Variants in EPB41 observed in about 807,000 individuals in gnomAD.
EPB41 encodes the protein erythrocyte membrane protein band 4.1.
In EPB41, 65 loss-of-function variants were observed where a neutral mutation model predicts 108.0. That is an observed-to-expected ratio of 0.60 (90% CI 0.49 to 0.74). The LOEUF is 0.74. EPB41 is among the 30% of genes least tolerant of loss of function. The pLI, the probability that EPB41 is intolerant of heterozygous loss-of-function variation, is 0.00. For missense variants in EPB41, 875 were observed against 1,037.0 expected (o/e 0.84, Z 2.15); for synonymous variants, 336 against 358.9 (o/e 0.94, Z 0.72).
At chr1:29,038,420 A>C (rs1412630640) in intron 10 of EPB41, among the ~76,000 whole-genome samples, 1 of 152,250 alleles carries the variant, frequency 6.6e-6, no homozygotes, top group African/African-American at 2.4e-5. Flanking sequence ...CCATTGCATC[A>C]AAATAAGAGA....
intron 17 of EPB41, among the ~76,000 whole-genome samples, chr1:29,098,624 C>G (rs986943539): frequency 2.6e-5 from 4 of 152,174 alleles, no homozygotes; most frequent in African/African-American, 9.7e-5. Context: ...AGTTCAAGTC[C>G]TGGCTCCTCC....
At chr1:29,011,827 T>C (rs749996323) in intron 4 of EPB41, 38 bp from the exon 5 acceptor site, 1 of 1,613,146 alleles carries the variant, frequency 6.2e-7, no homozygotes, top group Non-Finnish European at 8.5e-7. Flanking sequence ...TTTATGTGTT[T>C]TGGAGCTCTG....
At chr1:28,915,885 A>G (rs1050488819) in intron 1 of EPB41, among the ~76,000 whole-genome samples, 2 of 152,060 alleles carry the variant, frequency 1.3e-5, no homozygotes, top group African/African-American at 4.8e-5. Context: ...ACTGTAGTCA[A>G]TGCTGTTGCT....
chr1:28,929,843 CTTTTTT>C (rs56337991), intron 1 of EPB41, among the ~76,000 whole-genome samples: 1,274 of 101,860 alleles, frequency 0.013, 10 homozygotes, highest in Admixed American at 0.022. Context: ...ACTGGGCCTT[CTTTTTT>C]TTTTTTTTTT....
At chr1:28,927,457 A>C (rs960071659) in intron 1 of EPB41, among the ~76,000 whole-genome samples, 2 of 152,150 alleles carry the variant, frequency 1.3e-5, no homozygotes, top group Admixed American at 1.3e-4. Context: ...GGACTTCCTC[A>C]AAAGCCAAAA....
intron 15 of EPB41, among the ~76,000 whole-genome samples, chr1:29,062,569 C>T (rs115326104): frequency 1.7e-3 from 253 of 152,158 alleles, no homozygotes; most frequent in Non-Finnish European, 2.8e-3. Context: ...AACCTGAACA[C>T]AGCCAAAGTA....
chr1:29,012,235 C>T (rs150732667), intron 5 of EPB41, among the ~76,000 whole-genome samples: 3,575 of 152,184 alleles, frequency 0.023, 53 homozygotes, highest in Middle Eastern at 0.055. Context: ...AGTCAGTTCT[C>T]AAAATGGTAG....
intron 17 of EPB41, among the ~76,000 whole-genome samples, chr1:29,102,877 A>T (rs1573970819): frequency 6.6e-6 from 1 of 152,136 alleles, no homozygotes; most frequent in East Asian, 1.9e-4. Context: ...GGTTCCAGCG[A>T]TTCTCATGCC....
chr1:28,999,245 C>T (rs1480289345), intron 4 of EPB41, among the ~76,000 whole-genome samples: 2 of 152,180 alleles, frequency 1.3e-5, no homozygotes, highest in African/African-American at 2.4e-5. Flanking sequence ...TGGCGGGCGC[C>T]TGTAGTACCA....
chr1:28,976,619 G>A lies in EPB41; in HGVS notation c.-7-10812G>A, dbSNP rs1458652623. ...TCCTCCTGCCTTGGCCTCCCAAAGT[G>A]CTGGGATTACAGGTGTAAGCCACCG... On this transcript the variant is annotated intron_variant, in intron 1 of 20. Transcript: ENST00000343067. 2.0e-5 allele frequency among the ~76,000 whole-genome samples: 3 copies of A among 152,218 alleles called. No individual in the cohort carries two copies. The East Asian group carries it at 5.8e-4, about 29-fold the overall frequency.
intron 1 of EPB41, among the ~76,000 whole-genome samples, chr1:28,970,888 G>A (rs1249493136): frequency 1.3e-5 from 2 of 152,070 alleles, no homozygotes; most frequent in Admixed American, 6.6e-5. Context: ...TTGCTCTGTC[G>A]CCCAGGCTGA....
At chr1:28,922,872 C>G (rs565348935) in intron 1 of EPB41, among the ~76,000 whole-genome samples, 1 of 151,826 alleles carries the variant, frequency 6.6e-6, no homozygotes, top group East Asian at 2.0e-4. Flanking sequence ...CATGATCCGC[C>G]TGCCTCGGCC....
At chr1:28,994,025 ATGAG>A (rs2096094392) in intron 3 of EPB41, among the ~76,000 whole-genome samples, 1 of 151,988 alleles carries the variant, frequency 6.6e-6, no homozygotes, top group African/African-American at 2.4e-5. Context: ...TGGGAAGATG[ATGAG>A]TAAGTCTTTA....
At chr1:29,061,143 T>G (rs1358197395) in intron 15 of EPB41, among the ~76,000 whole-genome samples, 4 of 152,198 alleles carry the variant, frequency 2.6e-5, no homozygotes, top group Non-Finnish European at 5.9e-5. Context: ...TGAGTTAGGA[T>G]CTGTCCAACT....
At chr1:29,077,211 ATC>A (rs1199518344) in intron 16 of EPB41, among the ~76,000 whole-genome samples, 2 of 152,132 alleles carry the variant, frequency 1.3e-5, no homozygotes, top group Admixed American at 6.6e-5. Flanking sequence ...TATTCAAGGA[ATC>A]TAGTATACCC....
chr1:29,043,036 A>T (rs1194339586), intron 11 of EPB41, among the ~76,000 whole-genome samples: 1 of 152,228 alleles, frequency 6.6e-6, no homozygotes, highest in Non-Finnish European at 1.5e-5. Context: ...GCCAGATGGT[A>T]TTCCAGTCAC....
intron 17 of EPB41, among the ~76,000 whole-genome samples, chr1:29,098,215 G>A (rs1558304364): frequency 1.3e-5 from 2 of 151,624 alleles, no homozygotes; most frequent in Non-Finnish European, 2.9e-5. Flanking sequence ...TTTTTTTTGA[G>A]ACAGAGTCTC....
intron 1 of EPB41, 28 bp from the exon 2 acceptor site, chr1:28,987,403 C>T (rs757525928): frequency 3.7e-6 from 6 of 1,600,022 alleles, no homozygotes; most frequent in Admixed American, 1.7e-5. Flanking sequence ...CTTATAAGAG[C>T]CCCCCTTTTC....
chr1:29,031,285 T>G (rs1251820673), intron 8 of EPB41, among the ~76,000 whole-genome samples: 1 of 152,196 alleles, frequency 6.6e-6, no homozygotes, highest in African/African-American at 2.4e-5. Context: ...TTTGAAAATA[T>G]AGAGCAGTGG....
Sources: gnomAD v4.1 joint callset for allele counts (sites outside exome capture counted in the v4.1 genomes callset) on GRCh38, gnomAD v4.1.1 for gene constraint, MANE v1.5 for transcripts, NCBI Gene and HGNC (gene_info 2026-07-23, HGNC 2026-07-21) for gene names.